The following AFF4 variants were observed in gnomAD, a reference collection of about 807,000 sequenced individuals.
AFF4 encodes ALF transcription elongation factor 4.
A neutral mutation model predicts 124.8 loss-of-function variants in AFF4; 13 were observed. The observed-to-expected ratio is 0.10, with a 90% confidence interval of 0.07 to 0.17. The LOEUF (loss-of-function observed/expected upper bound fraction) is 0.17. Ranked by LOEUF, AFF4 falls within the 10% of genes least tolerant of loss-of-function variation. The probability of loss-of-function intolerance (pLI) is 1.00; values close to 1 mark genes in which losing one functional copy is unlikely to be tolerated. For synonymous variants in AFF4, 477 were observed against 496.1 expected, an observed-to-expected ratio of 0.96 and a Z score of 0.51; for missense variants, 1,092 against 1,403.8, an observed-to-expected ratio of 0.78 and a Z score of 3.55.
chr5:132,946,329 G>A (rs1028139057), intron 1 of AFF4, among the ~76,000 whole-genome samples: 5 of 152,228 alleles, frequency 3.3e-5, no homozygotes, highest in Admixed American at 3.3e-4. Context: ...CAAAAGAACC[G>A]AAAGCAGAGA....
chr5:132,922,778 CAAAA>C (rs554387527), intron 5 of AFF4, among the ~76,000 whole-genome samples: 1 of 56,758 alleles, frequency 1.8e-5, no homozygotes, highest in Admixed American at 1.7e-4. Flanking sequence ...GACTCCATCT[CAAAA>C]AAAAAAAAAA....
chr5:132,943,427 C>T, intron 1 of AFF4: 1 of 179,360 alleles, frequency 5.6e-6, no homozygotes, highest in Admixed American at 5.9e-5. Context: ...ATGGCAAATG[C>T]CAGTATAAAC....
intron 19 of AFF4, 62 bp from the exon 20 acceptor site, chr5:132,883,622 C>G: frequency 7.0e-7 from 1 of 1,420,474 alleles, no homozygotes; most frequent in African/African-American, 1.4e-5. Context: ...AAATCAAGTA[C>G]TACTAGCTCT....
chr5:132,918,809 T>C (rs1449960089), intron 5 of AFF4, among the ~76,000 whole-genome samples: 3 of 152,102 alleles, frequency 2.0e-5, no homozygotes, highest in Non-Finnish European at 4.4e-5. Flanking sequence ...TCTCCCCAAA[T>C]TGATCTATAG....
chr5:132,913,589 G>A (rs1760842807), intron 5 of AFF4, among the ~76,000 whole-genome samples: 2 of 152,086 alleles, frequency 1.3e-5, no homozygotes, highest in Non-Finnish European at 2.9e-5. Flanking sequence ...AACTGCAGGT[G>A]CCCACCACCG....
chr5:132,887,792 A>C, intron 16 of AFF4, 54 bp downstream of exon 16: 1 of 1,599,302 alleles, frequency 6.3e-7, no homozygotes, highest in Non-Finnish European at 8.5e-7. Context: ...CTCTTCCTTG[A>C]TGGACCAGAG....
Position 132,927,204 on chromosome 5 carries a change from T to C in AFF4, c.967A>G (p.Met323Val). Residue 323 changes from methionine (M) to valine (V), a missense_variant, in exon 5 of 21, where the codon ATG (methionine) becomes GTG (valine). Met to Val is a conservative substitution (Grantham distance 21, BLOSUM62 1). Coordinates refer to ENST00000265343, the MANE Select transcript of AFF4 (RefSeq NM_014423.4). ...VSCVDEILKE[M>V]THSWPPPLTA... ...AGAGGGGGAGGCCATGAATGCGTCATCTCCTGAAATGTAATTATTACAGTT... is the reference window on the plus strand; with the variant it reads ...AGAGGGGGAGGCCATGAATGCGTCACCTCCTGAAATGTAATTATTACAGTT... 6.2e-7 allele frequency: 1 copy of C among 1,609,936 alleles called. No individual in the cohort carries two copies.
At chr5:132,893,961 A>C (rs1489457528) in intron 11 of AFF4, among the ~76,000 whole-genome samples, 1 of 152,184 alleles carries the variant, frequency 6.6e-6, no homozygotes, top group East Asian at 1.9e-4. Flanking sequence ...CCTTTCATTT[A>C]GTGTAACATT....
At chr5:132,914,324 C>T (rs1346423933) in intron 5 of AFF4, among the ~76,000 whole-genome samples, 1 of 151,900 alleles carries the variant, frequency 6.6e-6, no homozygotes, top group African/African-American at 2.4e-5. Context: ...ATGAGCAAGC[C>T]GGGCGCAGCG....
At chr5:132,916,559 A>C (rs1346350982) in intron 5 of AFF4, among the ~76,000 whole-genome samples, 3 of 152,162 alleles carry the variant, frequency 2.0e-5, no homozygotes, top group Non-Finnish European at 4.4e-5. Context: ...CAAATCAATG[A>C]TCTTAATACT....
At chr5:132,900,244 T>C (rs1409409087) in intron 7 of AFF4, among the ~76,000 whole-genome samples, 2 of 152,192 alleles carry the variant, frequency 1.3e-5, no homozygotes, top group African/African-American at 4.8e-5. Flanking sequence ...CAGAAATGGC[T>C]ATGTATATAT....
rs1761621118 is a variant in AFF4 at position 132,943,440 on chromosome 5, C to T, written c.-4-6247G>A. 3.9e-5 allele frequency: 7 copies of T among 178,664 alleles called. No individual in the cohort carries two copies. The South Asian group carries it at 1.0e-3, about 26-fold the overall frequency. 11.1% of individuals were successfully genotyped at this position (178,664 alleles called of 1,614,324 possible). A position where few individuals can be genotyped will look rare whatever the true frequency, so the allele number is the denominator to read the frequency against. On this transcript the variant is annotated intron_variant, in intron 1 of 20. Transcript: ENST00000265343. ...AGATGGCAAATGCCAGTATAAACAC[C>T]CTGCTTGAAGCTCTGGATTGCATCC...
intron 5 of AFF4, among the ~76,000 whole-genome samples, chr5:132,914,755 A>G (rs536562050): frequency 3.5e-4 from 54 of 152,302 alleles, no homozygotes; most frequent in Middle Eastern, 3.4e-3. Flanking sequence ...CAAGAAAAAG[A>G]CAAGAAAACA....
chr5:132,889,140 G>A lies in AFF4; in HGVS notation c.2671C>T (p.Pro891Ser). The change falls in exon 14 of 21, where the codon CCA becomes TCA. Residue 891 changes from proline (P) to serine (S), a missense_variant. Physicochemically the swap from Pro to Ser is moderately conservative, Grantham distance 74 (BLOSUM62 -1). Around this residue, in one of 11 missense-constraint regions of AFF4, gnomAD observed 293 missense variants for 280.2 expected, o/e 1.05. Coordinates refer to ENST00000265343, the MANE Select transcript of AFF4 (RefSeq NM_014423.4). ...KAPSSSSNCPPSAPTLDSSKP... is the reference protein window; with the variant it reads ...KAPSSSSNCPSSAPTLDSSKP... ...GAAGAATCAAGAGTTGGTGCAGATG[G>A]AGGACAGTTAGAGGAGCTACTTGGA... 1 of 1,613,980 alleles carries A rather than the reference G, an allele frequency of 6.2e-7. No homozygotes were observed. Among genetic ancestry groups the A allele is most frequent in the Non-Finnish European group, 8.5e-7 (1 of 1,179,894 alleles).
chr5:132,884,965 G>T, intron 19 of AFF4, 111 bp downstream of exon 19: 1 of 643,840 alleles, frequency 1.6e-6, no homozygotes, highest in Non-Finnish European at 2.6e-6. Context: ...TTTTATCAGA[G>T]ATGGTTTTAC....
intron 20 of AFF4, 125 bp from the exon 21 acceptor site, chr5:132,881,311 C>T: frequency 2.0e-6 from 2 of 997,078 alleles, no homozygotes; most frequent in Non-Finnish European, 2.9e-6. Context: ...CACTAAAATG[C>T]TTACTGTCCA....
intron 5 of AFF4, among the ~76,000 whole-genome samples, chr5:132,905,876 G>T (rs1760660970): frequency 6.6e-6 from 1 of 152,124 alleles, no homozygotes; most frequent in Non-Finnish European, 1.5e-5. Context: ...ATTTGCAAAT[G>T]ATGTATCTGA....
At chr5:132,942,763 C>G (rs775973453) in intron 1 of AFF4, among the ~76,000 whole-genome samples, 9 of 152,140 alleles carry the variant, frequency 5.9e-5, no homozygotes, top group Non-Finnish European at 1.3e-4. Flanking sequence ...GCACCCGGCC[C>G]ATGTCAGATA....
At chr5:132,900,929 TATTAACTA>T (rs1170996822) in intron 7 of AFF4, 5 of 984,812 alleles carry the variant, frequency 5.1e-6, no homozygotes, top group South Asian at 4.7e-5. Context: ...TCTTTCACTC[TATTAACTA>T]CTTGTACTTT....
Sources: allele counts gnomAD v4.1 joint callset (sites outside exome capture counted in the v4.1 genomes callset), GRCh38; gene constraint gnomAD v4.1.1; regional missense constraint gnomAD v4.1.1; transcripts MANE v1.5; gene names NCBI Gene and HGNC (gene_info 2026-07-23, HGNC 2026-07-21).